Variants in LTN1 observed in about 807,000 individuals in gnomAD.
The protein encoded by LTN1 is listerin E3 ubiquitin protein ligase 1, also known as E3 ubiquitin-protein ligase listerin.
LTN1 carries 88 observed loss-of-function variants against 201.2 expected under a neutral mutation model. The observed-to-expected ratio is 0.44, with a 90% CI of 0.37 to 0.52. The LOEUF (loss-of-function observed/expected upper bound fraction) is 0.52, where lower values mean the gene tolerates loss of function less well. Ranked by LOEUF, LTN1 falls within the 20% of genes least tolerant of loss-of-function variation. The pLI, the probability that LTN1 is intolerant of heterozygous loss-of-function variation, is 0.00. For synonymous variants in LTN1, 645 were observed against 713.5 expected, an observed-to-expected ratio of 0.90 and a Z score of 1.53; for missense variants, 1,752 against 2,038.7, an observed-to-expected ratio of 0.86 and a Z score of 2.71.
chr21:28,956,818 A>G lies in LTN1; in HGVS notation c.3023T>C (p.Val1008Ala). 2.5e-6 allele frequency: 4 copies of G among 1,611,564 alleles called. No homozygotes were observed. Among genetic ancestry groups the G allele is most frequent in the Non-Finnish European group, 2.5e-6 (3 of 1,178,538 alleles). The change falls in exon 16 of 30, where the codon GTC (valine) becomes GCC (alanine). Residue 1008 changes from valine to alanine, a missense_variant. Val to Ala is a moderately conservative substitution (Grantham distance 64, BLOSUM62 0). This residue lies in a region of LTN1 where 1,211 missense variants were observed against 1,312.8 expected (regional missense o/e 0.92). Transcript: ENST00000361371. The part of the protein sequence containing the change: ...LCTSALLSKM[V>A]LIALRKETVL... ...TGTTTCCTTTCTCAGTGCAATTAAG[A>G]CCATTTTGCTCAATAATGCTGAAGT...
intron 6 of LTN1, among the ~76,000 whole-genome samples, chr21:28,978,932 T>C (rs1254799076): frequency 6.6e-6 from 1 of 152,230 alleles, no homozygotes; most frequent in Non-Finnish European, 1.5e-5. Context: ...GAATTCCTAT[T>C]AGGCTGATGA....
chr21:28,968,791 G>A (rs1010981619), intron 9 of LTN1, among the ~76,000 whole-genome samples: 1 of 151,506 alleles, frequency 6.6e-6, no homozygotes, highest in Non-Finnish European at 1.5e-5. Flanking sequence ...ATTTTTAGTA[G>A]AGATGGGGTT....
At chr21:28,988,870 C>A (rs1441163071) in intron 1 of LTN1, among the ~76,000 whole-genome samples, 1 of 151,390 alleles carries the variant, frequency 6.6e-6, no homozygotes, top group East Asian at 1.9e-4. Context: ...GAGGCTGAGG[C>A]AGGAGAATTG....
At chr21:28,959,874 G>C in intron 12 of LTN1, 177 bp from the exon 13 acceptor site, 1 of 555,688 alleles carries the variant, frequency 1.8e-6, no homozygotes, top group South Asian at 2.4e-5. Flanking sequence ...AGTAAAAAAG[G>C]CAGTTTTAAA....
chr21:28,988,466 CA>C (rs34339110), intron 1 of LTN1, among the ~76,000 whole-genome samples: 5,550 of 122,120 alleles, frequency 0.045, 187 homozygotes, highest in East Asian at 0.18. Context: ...GGCTCTGTCT[CA>C]AAAAAAAAAA....
chr21:28,946,367 G>A (rs565115777), intron 19 of LTN1, 80 bp from the exon 20 acceptor site: 2 of 894,804 alleles, frequency 2.2e-6, no homozygotes, highest in African/African-American at 3.5e-5. Flanking sequence ...ACTTTGAGAA[G>A]TAAAAGACTT....
chr21:28,944,555 C>A lies in LTN1; in HGVS notation c.3810G>T (p.Val1270=). 1 of 1,613,854 alleles carries A rather than the reference C, an allele frequency of 6.2e-7. No individual in the cohort carries two copies. Among genetic ancestry groups the A allele is most frequent in the South Asian group, 1.1e-5 (1 of 91,072 alleles). The stretch of plus-strand genomic sequence containing the variant: ...CACAGCTGACACAGGCAAACAGTTG[C>A]ACAAGTGGAATAGAATACAATGCCT... The part of the protein sequence containing the change: ...ENQALYSIPL[V]QLFACVSCDL... The change falls in exon 22 of 30, where the codon GTG becomes GTT. Residue 1270 remains valine, a synonymous_variant. Transcript: ENST00000361371.
At chr21:28,949,455 C>G (rs2084366159) in intron 18 of LTN1, among the ~76,000 whole-genome samples, 1 of 152,156 alleles carries the variant, frequency 6.6e-6, no homozygotes, top group Non-Finnish European at 1.5e-5. Flanking sequence ...ATCTCCAGAA[C>G]TCTTCATTCT....
chr21:28,940,460 T>C (rs947744966), intron 25 of LTN1, among the ~76,000 whole-genome samples: 1 of 152,172 alleles, frequency 6.6e-6, no homozygotes, highest in Non-Finnish European at 1.5e-5. Context: ...AATTATTACA[T>C]AGGTAATGTT....
chr21:28,943,258 T>A lies in LTN1; in HGVS notation c.4295+4A>T. The A allele has an allele frequency of 6.3e-7, 1 of 1,581,650 alleles. No individual in the cohort carries two copies. Among genetic ancestry groups the A allele is most frequent in the Non-Finnish European group, 8.7e-7 (1 of 1,154,730 alleles). The stretch of plus-strand genomic sequence containing the variant: ...ATAAAACAAATTATTTAAAAAAACC[T>A]TACAAGGCTGGCTCTTCTTCTTCAT... On this transcript the variant is annotated splice_donor_region_variant and intron_variant, in intron 24 of 29. Coordinates refer to ENST00000361371, the MANE Select transcript of LTN1 (RefSeq NM_015565.3).
At position 28,936,562 on chromosome 21, in the gene LTN1, T is replaced by C. The variant is rs2146258657; in HGVS notation, c.4618A>G (p.Thr1540Ala). ...AGCTGGAGCTCCTCAGTAAAGAATGTTTTAGGGTCCTTATTTGGGACCTCA... is the reference window on the plus strand; with the variant it reads ...AGCTGGAGCTCCTCAGTAAAGAATGCTTTAGGGTCCTTATTTGGGACCTCA... ...AVEVPNKDPK[T>A]FFTEELQLSI... The change falls in exon 26 of 30, where the codon ACA becomes GCA. Residue 1540 changes from threonine to alanine, a missense_variant. Coordinates refer to ENST00000361371, the MANE Select transcript of LTN1 (RefSeq NM_015565.3). The C allele has an allele frequency of 1.2e-6, 2 of 1,613,892 alleles. No homozygotes were observed. Among genetic ancestry groups the C allele is most frequent in the Non-Finnish European group, 1.7e-6 (2 of 1,179,860 alleles).
At chr21:28,958,616 C>G (rs1033306192) in intron 13 of LTN1, 77 bp from the exon 14 acceptor site, 1 of 1,062,358 alleles carries the variant, frequency 9.4e-7, no homozygotes, top group Non-Finnish European at 1.3e-6. Flanking sequence ...TGAAACAACT[C>G]TACAGATCTG....
At chr21:28,956,642 T>C (rs1568843118) in intron 16 of LTN1, 120 bp downstream of exon 16, 1 of 554,010 alleles carries the variant, frequency 1.8e-6, no homozygotes, top group Non-Finnish European at 2.9e-6. Flanking sequence ...ATCATTAAAA[T>C]AGGAAAAAGA....
intron 6 of LTN1, among the ~76,000 whole-genome samples, chr21:28,980,027 AATGG>A (rs2084646172): frequency 1.3e-5 from 2 of 152,148 alleles, no homozygotes; most frequent in African/African-American, 4.8e-5. Context: ...ACATGCATAG[AATGG>A]CAAAAAATCT....
chr21:28,944,604 AAC>A lies in LTN1; in HGVS notation c.3769-10_3769-9del, dbSNP rs200724790. On this transcript the variant is annotated splice_polypyrimidine_tract_variant and intron_variant, in intron 21 of 29. Coordinates refer to ENST00000361371, the MANE Select transcript of LTN1 (RefSeq NM_015565.3). ...CTGATTCTCACTTGTTGTCTGAAAAAACAATAAAAATGAAATAGGTAAACAGA... is the reference window on the plus strand; with the variant it reads ...CTGATTCTCACTTGTTGTCTGAAAAAAATAAAAATGAAATAGGTAAACAGA... The A allele has an allele frequency of 0.016, 25,414 of 1,600,754 alleles. 262 individuals are homozygous for A. Among genetic ancestry groups the A allele is most frequent in the Non-Finnish European group, 0.018 (21,492 of 1,170,290 alleles).
At chr21:28,947,637 A>T in intron 18 of LTN1, 31 bp from the exon 19 acceptor site, 1 of 1,437,128 alleles carries the variant, frequency 7.0e-7, no homozygotes, top group Middle Eastern at 2.1e-4. Flanking sequence ...CACAAGTTAG[A>T]TTTCTTCCAA....
chr21:28,944,667 AG>A, intron 21 of LTN1, 71 bp from the exon 22 acceptor site: 1 of 1,049,588 alleles, frequency 9.5e-7, no homozygotes, highest in Non-Finnish European at 1.4e-6. Context: ...GCCAATATAA[AG>A]AAAAGCCCCA....
At position 28,952,284 on chromosome 21, in the gene LTN1, A is replaced by G. The variant is rs1322205980; in HGVS notation, c.3240-20T>C. 1 of 1,400,714 alleles carries G rather than the reference A, an allele frequency of 7.1e-7. No homozygotes were observed. Among genetic ancestry groups the G allele is most frequent in the African/African-American group, 1.4e-5 (1 of 69,302 alleles). 86.8% of individuals were successfully genotyped at this position (1,400,714 alleles called of 1,614,324 possible). A position where few individuals can be genotyped will look rare whatever the true frequency, so the allele number is the denominator to read the frequency against. On this transcript the variant is annotated intron_variant, in intron 17 of 29. Coordinates refer to ENST00000361371, the MANE Select transcript of LTN1 (RefSeq NM_015565.3). Reference sequence around the variant, plus strand: ...CTGGACCTGAAAAAGGAAAGAAAAAAATTATATTCCGTTTTGAAAGCATAC... The same window carrying G: ...CTGGACCTGAAAAAGGAAAGAAAAAGATTATATTCCGTTTTGAAAGCATAC...
At chr21:28,971,818 C>T (rs1000650670) in intron 6 of LTN1, among the ~76,000 whole-genome samples, 2 of 151,904 alleles carry the variant, frequency 1.3e-5, no homozygotes, top group African/African-American at 2.4e-5. Flanking sequence ...TGATCAGTCA[C>T]AAATTCTATA....
Sources: gnomAD v4.1 joint callset for allele counts (sites outside exome capture counted in the v4.1 genomes callset) on GRCh38, gnomAD v4.1.1 for gene constraint, gnomAD v4.1.1 regional missense constraint, MANE v1.5 for transcripts, NCBI Gene and HGNC (gene_info 2026-07-23, HGNC 2026-07-21) for gene names.